The following NOX5 variants were observed in gnomAD, a reference collection of about 807,000 sequenced individuals.
NOX5 encodes NADPH oxidase 5, also known as NADPH oxidase, EF-hand calcium binding domain 5.
NOX5 carries 76 observed loss-of-function variants against 85.7 expected under a neutral mutation model. That is an observed-to-expected ratio of 0.89 (90% CI 0.74 to 1.07). The LOEUF (loss-of-function observed/expected upper bound fraction) is 1.07. NOX5 is among the 50% of genes least tolerant of loss of function. The probability of loss-of-function intolerance (pLI) is 0.00; values close to 1 mark genes in which losing one functional copy is unlikely to be tolerated. For missense variants in NOX5, 973 were observed against 999.5 expected (o/e 0.97, Z 0.36); for synonymous variants, 405 against 401.4 (o/e 1.01, Z -0.11).
At chr15:69,037,437 C>T (rs570872883) in intron 8 of NOX5, 8 of 538,572 alleles carry the variant, frequency 1.5e-5, no homozygotes, top group African/African-American at 3.8e-5. Context: ...CTCTAAAATC[C>T]GATTTTGGGG....
At chr15:69,026,686 A>C (rs1292329690) in intron 2 of NOX5, 35 bp downstream of exon 2, 1 of 1,613,134 alleles carries the variant, frequency 6.2e-7, no homozygotes. Context: ...CCCTGCATTT[A>C]TCGTTATGTG....
Position 69,037,225 on chromosome 15 carries a change from G to A in NOX5, c.1371+15G>A. 6.2e-7 allele frequency: 1 copy of A among 1,608,038 alleles called. No homozygotes were observed. Among genetic ancestry groups the A allele is most frequent in the Non-Finnish European group, 8.5e-7 (1 of 1,176,840 alleles). ...TCCCCTCCAAGGTACAAAGGTGGGG[G>A]ATGGGGAGGTGCTTTTCCAACTCAC... On this transcript the variant is annotated intron_variant, in intron 8 of 15. Coordinates refer to ENST00000388866, the MANE Select transcript of NOX5 (RefSeq NM_024505.4).
chr15:69,055,419 C>A lies in NOX5; in HGVS notation c.2085C>A (p.Asp695Glu). The A allele has an allele frequency of 3.7e-6, 6 of 1,614,208 alleles. No individual in the cohort carries two copies. Among genetic ancestry groups the A allele is most frequent in the Non-Finnish European group, 5.1e-6 (6 of 1,180,042 alleles). Residue 695 changes from aspartate (D) to glutamate (E), a missense_variant, in exon 15 of 16, where the codon GAC (aspartate) becomes GAA (glutamate). Transcript: ENST00000388866. ...CCATTGGCCTGCAGATGGCCCTTGA[C>A]CTCCTGGCCAACAAGGAGAAGAAAG... ...MKAIGLQMALDLLANKEKKDS... is the reference protein window; with the variant it reads ...MKAIGLQMALELLANKEKKDS...
At chr15:69,016,797 CAT>C (rs3084776) in intron 1 of NOX5, among the ~76,000 whole-genome samples, 2 of 151,344 alleles carry the variant, frequency 1.3e-5, no homozygotes, top group South Asian at 2.1e-4. Context: ...ATGACATATG[CAT>C]ATATATATAT....
At chr15:69,023,685 A>G in intron 1 of NOX5, 1 of 176,718 alleles carries the variant, frequency 5.7e-6, no homozygotes, top group Non-Finnish European at 1.2e-5. Flanking sequence ...CTATAATAAT[A>G]CGTGCATTAT....
At chr15:69,036,766 C>T (rs2050521632) in intron 7 of NOX5, among the ~76,000 whole-genome samples, 1 of 152,164 alleles carries the variant, frequency 6.6e-6, no homozygotes. Context: ...CCTGTGGGGG[C>T]AGTCCACTCT....
At chr15:69,054,737 T>C (rs1437113288) in intron 14 of NOX5, among the ~76,000 whole-genome samples, 1 of 152,218 alleles carries the variant, frequency 6.6e-6, no homozygotes, top group Non-Finnish European at 1.5e-5. Context: ...CTTCCCTGCA[T>C]ATCAGTAGCC....
At chr15:69,026,928 G>C (rs1028112978) in intron 2 of NOX5, among the ~76,000 whole-genome samples, 66 of 152,318 alleles carry the variant, frequency 4.3e-4, no homozygotes, top group Admixed American at 2.5e-3. Context: ...CAGAGCTGAT[G>C]CTCTGACTTA....
At position 69,033,217 on chromosome 15, in the gene NOX5, C is replaced by T; in HGVS notation, c.795C>T (p.Ala265=). The part of the protein sequence containing the change: ...LAASAHRDLG[A]SVMVAKGCGQ... Reference sequence around the variant, plus strand: ...CCAGCGCGCACCGGGACCTCGGCGCCAGCGTCATGGTGGCCAAGGGCTGCG... The same window carrying T: ...CCAGCGCGCACCGGGACCTCGGCGCTAGCGTCATGGTGGCCAAGGGCTGCG... Residue 265 remains alanine, a synonymous_variant, in exon 5 of 16, where the codon GCC becomes GCT. Transcript: ENST00000388866. 1 of 1,597,748 alleles carries T rather than the reference C, an allele frequency of 6.3e-7. No individual in the cohort carries two copies. The highest frequency in any genetic ancestry group is 8.5e-7 in the Non-Finnish European group (1 of 1,179,070).
chr15:69,014,708 G>C lies in NOX5; in HGVS notation c.-28G>C, dbSNP rs138891084. Reference sequence around the variant, plus strand: ...AGCTCAATGGACAGCAGTCTTTCTGGGACCTGTGATCTAGAAGACAGGAGA... The same window carrying C: ...AGCTCAATGGACAGCAGTCTTTCTGCGACCTGTGATCTAGAAGACAGGAGA... On this transcript the variant is annotated 5_prime_UTR_variant, in exon 1 of 16. Transcript: ENST00000388866. The C allele has an allele frequency of 2.6e-6, 4 of 1,550,386 alleles. No individual in the cohort carries two copies. In the South Asian group the frequency reaches 4.8e-5, roughly 18 times the overall value.
At chr15:69,023,114 T>G (rs968265259) in intron 1 of NOX5, 4 of 401,196 alleles carry the variant, frequency 1.0e-5, no homozygotes. Context: ...TGGGTGTCAT[T>G]AATGGAGATT....
At chr15:69,035,275 G>A (rs2050496573) in intron 5 of NOX5, 79 bp from the exon 6 acceptor site, 4 of 1,480,080 alleles carry the variant, frequency 2.7e-6, no homozygotes, top group Non-Finnish European at 3.7e-6. Context: ...AGCTCAGGAG[G>A]ATGCAGGGAG....
chr15:69,036,896 C>T, intron 7 of NOX5, 132 bp from the exon 8 acceptor site: 7 of 732,328 alleles, frequency 9.6e-6, no homozygotes, highest in Non-Finnish European at 1.6e-5. Flanking sequence ...AACATCTTAC[C>T]CAACTCCATC....
chr15:69,062,251 A>G lies in NOX5; in HGVS notation c.*5555A>G, dbSNP rs1471072283. On this transcript the variant is annotated 3_prime_UTR_variant, in exon 16 of 16. Transcript: ENST00000388866. ...AATTGCCTATTGCCTGAATTGGTGC[A>G]TCAGAGACAGGCTGGAGAAAGGAAG... 6.6e-6 allele frequency: 1 copy of G among 151,996 alleles called. No homozygotes were observed. The highest frequency in any genetic ancestry group is 1.5e-5 in the Non-Finnish European group (1 of 67,978). The allele number at this position is 151,996 out of a possible 1,614,324, so 9.4% of individuals were successfully genotyped here.
At chr15:69,023,100 TTCC>T (rs2050314470) in intron 1 of NOX5, 1 of 418,092 alleles carries the variant, frequency 2.4e-6, no homozygotes, top group Non-Finnish European at 4.6e-6. Flanking sequence ...TGCAGACTTC[TTCC>T]TGGGTGTCAT....
intron 15 of NOX5, among the ~76,000 whole-genome samples, chr15:69,055,804 A>G (rs1413502348): frequency 6.6e-6 from 1 of 152,228 alleles, no homozygotes; most frequent in Admixed American, 6.5e-5. Flanking sequence ...GTGGACAGGG[A>G]CCTGGAAAAA....
rs2050464665 is a variant in NOX5, at chr15:69,033,225, T to C, written c.803T>C (p.Met268Thr). ...SAHRDLGASV[M>T]VAKGCGQCLN... ...CACCGGGACCTCGGCGCCAGCGTCATGGTGGCCAAGGGCTGCGGCCAGTGC... is the reference window on the plus strand; with the variant it reads ...CACCGGGACCTCGGCGCCAGCGTCACGGTGGCCAAGGGCTGCGGCCAGTGC... Residue 268 changes from methionine to threonine, a missense_variant, in exon 5 of 16, where the codon ATG becomes ACG. Coordinates refer to ENST00000388866, the MANE Select transcript of NOX5 (RefSeq NM_024505.4). The C allele has an allele frequency of 6.3e-7, 1 of 1,598,200 alleles. No individual in the cohort carries two copies. The highest frequency in any genetic ancestry group is 1.1e-5 in the South Asian group (1 of 90,444).
chr15:69,019,647 A>C (rs1284514371), intron 1 of NOX5, among the ~76,000 whole-genome samples: 1 of 152,198 alleles, frequency 6.6e-6, no homozygotes, highest in Non-Finnish European at 1.5e-5. Context: ...CAGCCTGATG[A>C]TTCCCTTCCA....
intron 2 of NOX5, among the ~76,000 whole-genome samples, chr15:69,027,585 C>G (rs963724098): frequency 6.6e-6 from 1 of 152,172 alleles, no homozygotes; most frequent in Non-Finnish European, 1.5e-5. Context: ...CTTTGGGACA[C>G]CCATCATCCA....
Sources: allele counts gnomAD v4.1 joint callset (sites outside exome capture counted in the v4.1 genomes callset), GRCh38; gene constraint gnomAD v4.1.1; transcripts MANE v1.5; gene names NCBI Gene and HGNC (gene_info 2026-07-23, HGNC 2026-07-21).